COL19A1: variants seen among roughly 807,000 people sequenced by gnomAD.
COL19A1 encodes the protein collagen alpha-1(XIX) chain.
Under a neutral mutation model 190.2 loss-of-function variants are expected in COL19A1, and 159 were observed. The ratio of observed to expected loss-of-function variants is 0.84; its 90% CI spans 0.73 to 0.95. COL19A1 has a LOEUF of 0.95. COL19A1 is among the 40% of genes least tolerant of loss of function. The pLI is 0.00. For synonymous variants in COL19A1, 509 were observed against 458.9 expected (o/e 1.11, Z -1.39); for missense variants, 1,418 against 1,431.9 (o/e 0.99, Z 0.16).
intron 15 of COL19A1, among the ~76,000 whole-genome samples, chr6:70,085,690 G>C (rs1010378025): frequency 6.6e-6 from 1 of 152,046 alleles, no homozygotes; most frequent in African/African-American, 2.4e-5. Flanking sequence ...TGATGTTATG[G>C]AATATGTCAG....
At chr6:69,920,325 A>C (rs1265849854) in intron 4 of COL19A1, among the ~76,000 whole-genome samples, 1 of 152,290 alleles carries the variant, frequency 6.6e-6, no homozygotes, top group African/African-American at 2.4e-5. Context: ...CCGAAGTTTC[A>C]TATGGTTTTC....
intron 17 of COL19A1, among the ~76,000 whole-genome samples, chr6:70,129,952 G>A (rs1277559951): frequency 1.3e-5 from 2 of 152,280 alleles, no homozygotes; most frequent in Non-Finnish European, 2.9e-5. Context: ...ATCTCCTTAA[G>A]AAGTCACAAA....
chr6:69,968,804 A>G (rs1056424289), intron 11 of COL19A1, among the ~76,000 whole-genome samples: 7 of 152,196 alleles, frequency 4.6e-5, no homozygotes, highest in African/African-American at 1.7e-4. Context: ...GGATGTTTAT[A>G]TAATATACGT....
intron 25 of COL19A1, among the ~76,000 whole-genome samples, 200 bp from the exon 26 acceptor site, chr6:70,146,459 A>G (rs966024125): frequency 2.0e-5 from 3 of 152,070 alleles, no homozygotes; most frequent in African/African-American, 7.2e-5. Context: ...TCATTTTATA[A>G]ATAAAAATAT....
chr6:69,869,509 A>G (rs1383150168), intron 1 of COL19A1, among the ~76,000 whole-genome samples: 1 of 152,226 alleles, frequency 6.6e-6, no homozygotes, highest in African/African-American at 2.4e-5. Flanking sequence ...TAATTGTGAA[A>G]TTTTAAGATT....
chr6:70,066,593 A>G (rs1781224248), intron 14 of COL19A1, among the ~76,000 whole-genome samples: 1 of 152,160 alleles, frequency 6.6e-6, no homozygotes, highest in East Asian at 1.9e-4. Context: ...AACTTAAAGT[A>G]TAATAAAACT....
rs114540096 is a variant in COL19A1 at position 70,044,842 on chromosome 6, A to G, written c.1170+8903A>G. On this transcript the variant is annotated intron_variant, in intron 14 of 50. Transcript: ENST00000620364. ...TTATCAATCTTACTCTTGCTTTGTTAATTTCCATTCTGCTGTTAAGACTAT... is the reference window on the plus strand; with the variant it reads ...TTATCAATCTTACTCTTGCTTTGTTGATTTCCATTCTGCTGTTAAGACTAT... Among the ~76,000 whole-genome samples the G allele has an allele frequency of 9.9e-3, 1,511 of 152,188 alleles. 15 individuals are homozygous for G. Among genetic ancestry groups the G allele is most frequent in the African/African-American group, 0.033 (1,364 of 41,508 alleles).
intron 34 of COL19A1, among the ~76,000 whole-genome samples, chr6:70,161,176 C>T (rs1787778486): frequency 6.6e-6 from 1 of 152,086 alleles, no homozygotes; most frequent in South Asian, 2.1e-4. Flanking sequence ...TTTAAATTCA[C>T]CAGTGAGCCA....
At chr6:70,041,325 T>C (rs755604823) in intron 14 of COL19A1, among the ~76,000 whole-genome samples, 2 of 152,190 alleles carry the variant, frequency 1.3e-5, no homozygotes, top group African/African-American at 2.4e-5. Context: ...AATTTTAAAG[T>C]TCTAAAGAAA....
At chr6:69,973,249 T>A (rs569256583) in intron 11 of COL19A1, among the ~76,000 whole-genome samples, 1 of 152,312 alleles carries the variant, frequency 6.6e-6, no homozygotes, top group East Asian at 1.9e-4. Flanking sequence ...GTTTCTACTC[T>A]TAGCTTTTGG....
At chr6:69,996,853 A>C (rs1776932527) in intron 11 of COL19A1, among the ~76,000 whole-genome samples, 1 of 151,798 alleles carries the variant, frequency 6.6e-6, no homozygotes, top group Non-Finnish European at 1.5e-5. Context: ...ATTCAGTGAA[A>C]TCTAGTTTTA....
chr6:70,061,494 A>G (rs1164063023), intron 14 of COL19A1, among the ~76,000 whole-genome samples: 1 of 152,086 alleles, frequency 6.6e-6, no homozygotes, highest in East Asian at 1.9e-4. Context: ...AGTTTGTACC[A>G]TATCTTAGTA....
intron 15 of COL19A1, among the ~76,000 whole-genome samples, chr6:70,099,280 T>G (rs1783481380): frequency 6.6e-6 from 1 of 151,820 alleles, no homozygotes; most frequent in Non-Finnish European, 1.5e-5. Context: ...ATCTGAAAAT[T>G]CGAAATCTGA....
At chr6:69,983,369 C>A (rs1582601897) in intron 11 of COL19A1, among the ~76,000 whole-genome samples, 1 of 152,120 alleles carries the variant, frequency 6.6e-6, no homozygotes, top group East Asian at 1.9e-4. Context: ...GGCCACCTTG[C>A]TTTATTAACT....
At chr6:69,980,295 T>C (rs1408691547) in intron 11 of COL19A1, among the ~76,000 whole-genome samples, 1 of 152,114 alleles carries the variant, frequency 6.6e-6, no homozygotes, top group Non-Finnish European at 1.5e-5. Flanking sequence ...ATTTAATAAC[T>C]TTTGTATTTT....
intron 27 of COL19A1, among the ~76,000 whole-genome samples, chr6:70,148,783 C>T (rs964130504): frequency 6.6e-6 from 1 of 152,012 alleles, no homozygotes; most frequent in Non-Finnish European, 1.5e-5. Context: ...AAAAATTAGC[C>T]AAACGTGGTG....
chr6:69,867,295 T>C (rs6935768), intron 1 of COL19A1: 104,852 of 152,456 alleles, frequency 0.69, 36,036 homozygotes, highest in Middle Eastern at 0.74. Flanking sequence ...CCCACCACGT[T>C]CCGGAGCGTC....
chr6:70,056,875 C>T (rs1340969422), intron 14 of COL19A1, among the ~76,000 whole-genome samples: 1 of 151,976 alleles, frequency 6.6e-6, no homozygotes, highest in Admixed American at 6.6e-5. Flanking sequence ...TTGTATAAAC[C>T]ATCTTCACAG....
intron 19 of COL19A1, among the ~76,000 whole-genome samples, chr6:70,139,193 G>T (rs1786080482): frequency 6.6e-6 from 1 of 152,244 alleles, no homozygotes; most frequent in Admixed American, 6.5e-5. Context: ...AAGTCAGTAG[G>T]TTTGGAAGCA....
Sources: gnomAD v4.1 joint callset for allele counts (sites outside exome capture counted in the v4.1 genomes callset) on GRCh38, gnomAD v4.1.1 for gene constraint, MANE v1.5 for transcripts, NCBI Gene and HGNC (gene_info 2026-07-23, HGNC 2026-07-21) for gene names.